TPTE2: variants seen among roughly 807,000 people sequenced by gnomAD.
TPTE2 encodes phosphatidylinositol 3,4,5-trisphosphate 3-phosphatase TPTE2.
A neutral mutation model predicts 78.6 loss-of-function variants in TPTE2; 53 were observed. That is an observed-to-expected ratio of 0.67 (90% CI 0.54 to 0.85). TPTE2 has a LOEUF of 0.85. TPTE2 is among the 40% of genes least tolerant of loss of function. TPTE2 has a pLI of 0.00. For synonymous variants in TPTE2, 175 were observed against 206.2 expected (o/e 0.85, Z 1.30); for missense variants, 461 against 623.0 (o/e 0.74, Z 2.77).
At chr13:19,557,813 T>C in the TPTE2 span, among the ~76,000 whole-genome samples, 2 of 151,796 alleles carry the variant, frequency 1.3e-5, no homozygotes, top group Admixed American at 6.5e-5. Context: ...ACCTGAGAAA[T>C]AGTTATTCTC....
At chr13:19,444,119 A>C (rs1877673172) in intron 13 of TPTE2, among the ~76,000 whole-genome samples, 1 of 151,820 alleles carries the variant, frequency 6.6e-6, no homozygotes, top group Non-Finnish European at 1.5e-5. Context: ...AACCTGGGCA[A>C]CATAGCGAAA....
intron 6 of TPTE2, among the ~76,000 whole-genome samples, chr13:19,469,753 T>C (rs1879493070): frequency 6.6e-6 from 1 of 152,210 alleles, no homozygotes; most frequent in South Asian, 2.1e-4. Flanking sequence ...TTGGTTAGGT[T>C]AATTTCTAGG....
intron 1 of TPTE2, among the ~76,000 whole-genome samples, chr13:19,512,826 C>G (rs1205792477): frequency 1.3e-5 from 2 of 152,144 alleles, no homozygotes; most frequent in African/African-American, 4.8e-5. Flanking sequence ...GTCCACCTGC[C>G]TCAGCCTCCC....
chr13:19,537,064 C>A (rs1324112919), upstream of TPTE2, among the ~76,000 whole-genome samples: 1 of 151,706 alleles, frequency 6.6e-6, no homozygotes, highest in Admixed American at 6.6e-5. Flanking sequence ...TTTTGGCCTT[C>A]TAAGGGTTAT....
intron 17 of TPTE2, among the ~76,000 whole-genome samples, 199 bp downstream of exon 20, chr13:19,430,269 G>T (rs1463567876): frequency 6.6e-6 from 1 of 152,202 alleles, no homozygotes; most frequent in East Asian, 1.9e-4. Flanking sequence ...AAAGCACCCT[G>T]AAAAAACTGT....
rs183483966 is a variant in TPTE2 at position 19,446,045 on chromosome 13, T to C, written c.973+4031A>G. Among the ~76,000 whole-genome samples the C allele has an allele frequency of 2.4e-3, 372 of 152,314 alleles. 2 individuals are homozygous for C. The highest frequency in any genetic ancestry group is 8.3e-3 in the African/African-American group (345 of 41,558). On this transcript the variant is annotated intron_variant, in intron 13 of 19. Coordinates refer to ENST00000400230, the Ensembl canonical transcript of TPTE2. ...TTTTCAGTCACAATTTGTGTAGGAATGAATTTTTGAAAAGATGTGCAAAGA... is the reference window on the plus strand; with the variant it reads ...TTTTCAGTCACAATTTGTGTAGGAACGAATTTTTGAAAAGATGTGCAAAGA...
In TPTE2 at chr13:19,447,034, C is replaced by T. The variant is rs182136761; in HGVS notation, c.973+3042G>A. On this transcript the variant is annotated intron_variant, in intron 13 of 19. Coordinates refer to ENST00000400230, the Ensembl canonical transcript of TPTE2. ...ATGTGGGGAGAATATAATTACAATA[C>T]TAAGAAAAATTGGCATTCAGATTCT... 2.0e-3 allele frequency among the ~76,000 whole-genome samples: 308 copies of T among 152,198 alleles called. 5 individuals are homozygous for T. Among genetic ancestry groups the T allele is most frequent in the Non-Finnish European group, 1.9e-4 (13 of 68,002 alleles).
Position 19,439,050 on chromosome 13 carries a change from T to G in TPTE2, c.974-897A>C, listed in dbSNP as rs530089954. On this transcript the variant is annotated intron_variant, in intron 13 of 19. Transcript: ENST00000400230. Reference sequence around the variant, plus strand: ...GACACAGGGAAACGCTGCCGGCATTTTCCCAAACCTGGACTGGCAGCAGGA... The same window carrying G: ...GACACAGGGAAACGCTGCCGGCATTGTCCCAAACCTGGACTGGCAGCAGGA... 4.2e-3 allele frequency among the ~76,000 whole-genome samples: 642 copies of G among 152,246 alleles called. 6 individuals carry two copies. Among genetic ancestry groups the G allele is most frequent in the South Asian group, 0.028 (135 of 4,808 alleles).
intron 10 of TPTE2, among the ~76,000 whole-genome samples, chr13:19,455,931 T>C (rs995289722): frequency 6.6e-6 from 1 of 152,152 alleles, no homozygotes; most frequent in African/African-American, 2.4e-5. Context: ...ATAGCAAACA[T>C]CATTTCAAAT....
chr13:19,559,324 G>C, the TPTE2 span, among the ~76,000 whole-genome samples: 1 of 152,148 alleles, frequency 6.6e-6, no homozygotes, highest in Non-Finnish European at 1.5e-5. Context: ...CATTAAAATA[G>C]AGTCTCTGTA....
intron 1 of TPTE2, among the ~76,000 whole-genome samples, chr13:19,533,022 C>A (rs1730200032): frequency 6.6e-6 from 1 of 152,186 alleles, no homozygotes. Flanking sequence ...TAGCACATAG[C>A]AGAGCTCAGT....
chr13:19,496,906 G>A (rs1406416386), intron 1 of TPTE2, among the ~76,000 whole-genome samples: 11 of 152,160 alleles, frequency 7.2e-5, no homozygotes, highest in Non-Finnish European at 1.2e-4. Context: ...TCTCACTAGG[G>A]AGTGCCAGAC....
chr13:19,430,032 G>T lies in TPTE2; in HGVS notation c.1302+436C>A, dbSNP rs527269409. On this transcript the variant is annotated intron_variant, in intron 17 of 19. Transcript: ENST00000400230. ...AGATTTCCCGAATCATACTTTGGGG[G>T]TACAACCTAGGAATGTAAATCTTTA... Among the ~76,000 whole-genome samples, 600 of 152,202 alleles carry T rather than the reference G, an allele frequency of 3.9e-3. 7 individuals carry two copies. The highest frequency in any genetic ancestry group is 0.014 in the African/African-American group (570 of 41,536).
At chr13:19,446,140 C>CA (rs1201214790) in intron 13 of TPTE2, among the ~76,000 whole-genome samples, 12 of 152,292 alleles carry the variant, frequency 7.9e-5, no homozygotes, top group Middle Eastern at 6.8e-3. Flanking sequence ...CTCAATATCT[C>CA]AAAGTTGTCA....
chr13:19,522,528 G>A (rs1870214415), intron 1 of TPTE2, among the ~76,000 whole-genome samples: 1 of 151,842 alleles, frequency 6.6e-6, no homozygotes, highest in African/African-American at 2.4e-5. Context: ...TGGAAGACAT[G>A]AACAGAAATG....
chr13:19,500,381 C>T (rs1489114809), intron 1 of TPTE2, among the ~76,000 whole-genome samples: 1 of 151,878 alleles, frequency 6.6e-6, no homozygotes, highest in Non-Finnish European at 1.5e-5. Context: ...CCTTGATGAA[C>T]ATTGATGCAA....
At chr13:19,465,216 G>T (rs1212804884) in intron 9 of TPTE2, 39 bp downstream of exon 12, 3 of 1,611,220 alleles carry the variant, frequency 1.9e-6, no homozygotes, top group Non-Finnish European at 2.5e-6. Context: ...AAGAAAAAGT[G>T]AAGTAATACA....
Position 19,429,068 on chromosome 13 carries a change from T to C in TPTE2, c.1302+1400A>G, listed in dbSNP as rs550696606. ...TGAATTCCCATTACACTTGGATGTG[T>C]TATTTATTTTACAGATAAAGATGTT... On this transcript the variant is annotated intron_variant, in intron 17 of 19. Transcript: ENST00000400230. 2.5e-4 allele frequency among the ~76,000 whole-genome samples: 38 copies of C among 152,340 alleles called. 1 individual carries two copies. Among genetic ancestry groups the C allele is most frequent in the Non-Finnish European group, 8.8e-5 (6 of 68,036 alleles).
chr13:19,491,816 T>C (rs1304897240), intron 3 of TPTE2, among the ~76,000 whole-genome samples: 1 of 152,032 alleles, frequency 6.6e-6, no homozygotes, highest in Admixed American at 6.6e-5. Context: ...CAGCGAGACT[T>C]CATCTCAAAA....
Sources: allele counts gnomAD v4.1 joint callset (sites outside exome capture counted in the v4.1 genomes callset), GRCh38; gene constraint gnomAD v4.1.1; transcripts MANE v1.5; gene names NCBI Gene and HGNC (gene_info 2026-07-23, HGNC 2026-07-21).